STARD9: variants seen among roughly 807,000 people sequenced by gnomAD.
STARD9 encodes StAR related lipid transfer domain containing 9.
In STARD9, 346 loss-of-function variants were observed where a neutral mutation model predicts 399.8. The observed-to-expected ratio is 0.87, with a 90% CI of 0.79 to 0.95. The LOEUF is 0.95. Among genes scored for constraint, STARD9 ranks in the 40% least tolerant of loss-of-function variants. The pLI, the probability that STARD9 is intolerant of heterozygous loss-of-function variation, is 0.00. For synonymous variants in STARD9, 2,203 were observed against 2,143.5 expected (o/e 1.03, Z -0.77); for missense variants, 5,832 against 5,667.5 (o/e 1.03, Z -0.93).
intron 28 of STARD9, among the ~76,000 whole-genome samples, chr15:42,717,433 G>A (rs1039793703): frequency 6.6e-6 from 1 of 151,916 alleles, no homozygotes; most frequent in Non-Finnish European, 1.5e-5. Flanking sequence ...GACCAGCCTG[G>A]GCAACATGGT....
At chr15:42,656,763 C>G (rs1184155095) in intron 9 of STARD9, among the ~76,000 whole-genome samples, 1 of 152,056 alleles carries the variant, frequency 6.6e-6, no homozygotes, top group South Asian at 2.1e-4. Context: ...TAAATGGGAG[C>G]TAAACTATGA....
Position 42,651,057 on chromosome 15 carries a change from C to A in STARD9, c.601C>A (p.Gln201Lys), listed in dbSNP as rs1169342444. 1 of 1,534,646 alleles carries A rather than the reference C, an allele frequency of 6.5e-7. No homozygotes were observed. The highest frequency in any genetic ancestry group is 2.5e-5 in the East Asian group (1 of 40,804). Residue 201 changes from glutamine to lysine, a missense_variant, in exon 8 of 33, where the codon CAA becomes AAA. Coordinates refer to ENST00000290607, the MANE Select transcript of STARD9 (RefSeq NM_020759.3). ...HVVTNYKQVI[Q>K]LLEEGIANRI... ...AGTTACCAATTATAAGCAAGTAATCCAACTCTTGGAGGAGGGAATTGCAAA... is the reference window on the plus strand; with the variant it reads ...AGTTACCAATTATAAGCAAGTAATCAAACTCTTGGAGGAGGGAATTGCAAA...
chr15:42,597,998 ATATGTGTGTGTGTGTG>A (rs1194054952), intron 3 of STARD9, among the ~76,000 whole-genome samples: 4 of 112,696 alleles, frequency 3.5e-5, no homozygotes, highest in African/African-American at 1.1e-4. Context: ...TTGTATATAT[ATATGTGTGTGTGTGTG>A]TGTGTGTGTG....
rs1566949258 is a variant in STARD9, at chr15:42,692,893, C to CT, written c.11316dup (p.Gln3773SerfsTer67). ...CTAGGCTCAGATACCTCGACTGTGT[C>CT]TCAAGAAGAGGGAGATGTGCCAGGG... On this transcript the variant is annotated frameshift_variant, in exon 23 of 33. Coordinates refer to ENST00000290607, the MANE Select transcript of STARD9 (RefSeq NM_020759.3). LOFTEE classifies it high-confidence loss of function. 3 of 1,537,252 alleles carry CT rather than the reference C, an allele frequency of 2.0e-6. No homozygotes were observed. Among genetic ancestry groups the CT allele is most frequent in the Non-Finnish European group, 2.6e-6 (3 of 1,146,914 alleles).
intron 20 of STARD9, among the ~76,000 whole-genome samples, chr15:42,680,619 AT>A (rs1426400811): frequency 6.6e-6 from 1 of 152,058 alleles, no homozygotes; most frequent in African/African-American, 2.4e-5. Context: ...AAAAATCTAA[AT>A]TTTTTTGTAA....
At chr15:42,700,012 C>A (rs576222174) in intron 26 of STARD9, among the ~76,000 whole-genome samples, 1 of 152,118 alleles carries the variant, frequency 6.6e-6, no homozygotes, top group Admixed American at 6.5e-5. Context: ...TTTTAGATTC[C>A]GCATATGAGT....
At position 42,687,695 on chromosome 15, in the gene STARD9, AAG is replaced by A; in HGVS notation, c.6120_6121del (p.Arg2040SerfsTer2). ...AACCTTCTGGAAAGAAACAGAATAA[AAG>A]AGTTAATAATACTGATGAAATGGCT... ...REPSGKKQNK[R>X]VNNTDEMARL... is the part of the protein sequence containing the mutation. On this transcript the variant is annotated frameshift_variant, in exon 23 of 33. Transcript: ENST00000290607. LOFTEE classifies it high-confidence loss of function. 2.0e-6 allele frequency: 3 copies of A among 1,537,318 alleles called. No individual in the cohort carries two copies. The highest frequency in any genetic ancestry group is 2.4e-5 in the South Asian group (2 of 84,060).
chr15:42,712,085 A>AT (rs1229854047), intron 26 of STARD9, among the ~76,000 whole-genome samples: 1 of 37,640 alleles, frequency 2.7e-5, no homozygotes, highest in Non-Finnish European at 3.8e-5. Flanking sequence ...TATATATTAT[A>AT]TATATATATA....
At chr15:42,702,494 G>A (rs868765509) in intron 26 of STARD9, among the ~76,000 whole-genome samples, 4 of 152,062 alleles carry the variant, frequency 2.6e-5, no homozygotes, top group Non-Finnish European at 5.9e-5. Context: ...GAGCCACCGC[G>A]CCCGGCCTGT....
chr15:42,663,225 A>T, intron 11 of STARD9, 56 bp from the exon 12 acceptor site: 1 of 1,401,696 alleles, frequency 7.1e-7, no homozygotes, highest in Non-Finnish European at 9.7e-7. Flanking sequence ...GTTTTGTTTT[A>T]ATATATTTGC....
intron 7 of STARD9, among the ~76,000 whole-genome samples, chr15:42,643,682 G>A (rs2059588865): frequency 6.6e-6 from 1 of 152,076 alleles, no homozygotes; most frequent in African/African-American, 2.4e-5. Context: ...TTGTATTTTA[G>A]TAGAGGTGGG....
At chr15:42,652,672 C>CTTT in intron 9 of STARD9, 80 bp downstream of exon 9, 1 of 1,320,258 alleles carries the variant, frequency 7.6e-7, no homozygotes, top group East Asian at 2.5e-5. Flanking sequence ...CTTCCTATTT[C>CTTT]TTTTTTTGTT....
chr15:42,693,417 C>T lies in STARD9; in HGVS notation c.11839C>T (p.Pro3947Ser), dbSNP rs963420198. ...SPDPVDAPRT[P>S]MDNYSQTTDE... ...AGACCCTGTTGATGCCCCAAGGACT[C>T]CAATGGATAATTATTCCCAAACCAC... The change falls in exon 23 of 33, where the codon CCA becomes TCA. Residue 3947 changes from proline (P) to serine (S), a missense_variant. By Grantham distance (74) the Pro-to-Ser change is moderately conservative. This residue lies in a region of STARD9 where 5,828 missense variants were observed against 5,651.1 expected (regional missense o/e 1.03). Transcript: ENST00000290607. 2.6e-6 allele frequency: 4 copies of T among 1,537,202 alleles called. No individual in the cohort carries two copies. Among genetic ancestry groups the T allele is most frequent in the Admixed American group, 3.9e-5 (2 of 51,006 alleles).
chr15:42,691,237 C>T lies in STARD9; in HGVS notation c.9659C>T (p.Ser3220Leu), dbSNP rs1411121003. ...GAAGAGCAGCACAGAGACCAGGCTTCAGGTGGTGGAGAAGGCTTCGCCCAG... is the reference window on the plus strand; with the variant it reads ...GAAGAGCAGCACAGAGACCAGGCTTTAGGTGGTGGAGAAGGCTTCGCCCAG... Reference protein sequence around the residue: ...QEEEQHRDQASGGGEGFAQGV... With the variant: ...QEEEQHRDQALGGGEGFAQGV... Residue 3220 changes from serine to leucine, a missense_variant, in exon 23 of 33, where the codon TCA becomes TTA. Ser to Leu is a moderately radical substitution (Grantham distance 145). Transcript: ENST00000290607. 5 of 1,537,118 alleles carry T rather than the reference C, an allele frequency of 3.3e-6. No individual in the cohort carries two copies. Among genetic ancestry groups the T allele is most frequent in the Non-Finnish European group, 4.4e-6 (5 of 1,146,922 alleles).
chr15:42,623,503 C>T (rs1433406143), intron 3 of STARD9, among the ~76,000 whole-genome samples: 1 of 152,176 alleles, frequency 6.6e-6, no homozygotes, highest in African/African-American at 2.4e-5. Context: ...CTGTGTGGTG[C>T]TGGGTTCCTG....
chr15:42,600,189 C>T (rs1239470517), intron 3 of STARD9, among the ~76,000 whole-genome samples: 8 of 152,204 alleles, frequency 5.3e-5, no homozygotes, highest in Admixed American at 5.2e-4. Flanking sequence ...CAAACGGTTT[C>T]TCTGGTACAA....
At chr15:42,631,694 T>C (rs374662049) in intron 3 of STARD9, among the ~76,000 whole-genome samples, 133 of 152,292 alleles carry the variant, frequency 8.7e-4, no homozygotes, top group African/African-American at 3.1e-3. Context: ...AAAATTCCTC[T>C]TGTTATTGAT....
chr15:42,681,961 C>T, intron 21 of STARD9, 143 bp from the exon 22 acceptor site: 1 of 643,874 alleles, frequency 1.6e-6, no homozygotes, highest in Non-Finnish European at 2.7e-6. Flanking sequence ...CCCTGTAGCC[C>T]TGCAGCCCTC....
intron 1 of STARD9, among the ~76,000 whole-genome samples, chr15:42,580,772 A>G (rs1337434802): frequency 6.6e-6 from 1 of 152,168 alleles, no homozygotes; most frequent in Non-Finnish European, 1.5e-5. Context: ...AGATCATGCC[A>G]CTGCACTCCA....
Sources: allele counts gnomAD v4.1 joint callset (sites outside exome capture counted in the v4.1 genomes callset), GRCh38; gene constraint gnomAD v4.1.1; regional missense constraint gnomAD v4.1.1; transcripts MANE v1.5; gene names NCBI Gene and HGNC (gene_info 2026-07-23, HGNC 2026-07-21).